The following C4orf50 variants were observed in gnomAD, a reference collection of about 807,000 sequenced individuals.
C4orf50 encodes the protein chromosome 4 open reading frame 50, also known as uncharacterized protein C4orf50.
A neutral mutation model predicts 77.2 loss-of-function variants in C4orf50; 80 were observed. The ratio of observed to expected loss-of-function variants is 1.04; its 90% CI spans 0.87 to 1.25. C4orf50 has a LOEUF of 1.25. Among genes scored for constraint, C4orf50 ranks in the 50% most tolerant of loss-of-function variants. The probability of loss-of-function intolerance (pLI) is 0.00; values close to 1 mark genes in which losing one functional copy is unlikely to be tolerated. For synonymous variants in C4orf50, 532 were observed against 465.3 expected (o/e 1.14, Z -1.84); for missense variants, 1,257 against 1,152.9 (o/e 1.09, Z -1.31).
At chr4:5,993,133 A>G (rs1365581564) in intron 26 of C4orf50, among the ~76,000 whole-genome samples, 2 of 151,896 alleles carry the variant, frequency 1.3e-5, no homozygotes, top group Non-Finnish European at 2.9e-5. Flanking sequence ...AATAGCCAAC[A>G]GCAGGTGGGC....
At chr4:5,993,429 G>A (rs1721404165) in intron 26 of C4orf50, among the ~76,000 whole-genome samples, 1 of 152,218 alleles carries the variant, frequency 6.6e-6, no homozygotes, top group Non-Finnish European at 1.5e-5. Context: ...AGGTTGGAGG[G>A]CTGGAAATAA....
intron 7 of C4orf50, chr4:5,904,152 A>G (rs1364654238): frequency 6.6e-6 from 1 of 152,212 alleles, no homozygotes; most frequent in Non-Finnish European, 1.5e-5. Context: ...TCCCCGCTCA[A>G]CAGCTGGATT....
rs142129092 is a variant in C4orf50, at chr4:6,012,017, G to A, written c.288-49C>T. The A allele has an allele frequency of 1.6e-3, 637 of 398,876 alleles. 4 individuals carry two copies. The highest frequency in any genetic ancestry group is 0.012 in the African/African-American group (588 of 48,720). The allele number at this position is 398,876 out of a possible 1,614,324, so 24.7% of individuals were successfully genotyped here. ...CACTTGCTCAGGGTGCAGTCAACATGGCCTAGGGCTTTTGCAGACACCAGG... is the reference window on the plus strand; with the variant it reads ...CACTTGCTCAGGGTGCAGTCAACATAGCCTAGGGCTTTTGCAGACACCAGG... On this transcript the variant is annotated intron_variant, in intron 23 of 33. Transcript: ENST00000531445.
intron 25 of C4orf50, among the ~76,000 whole-genome samples, chr4:6,003,937 G>A (rs947003152): frequency 0.056 from 108 of 1,916 alleles, 1 homozygote; most frequent in African/African-American, 0.11. Context: ...GGTGATGATG[G>A]TGATGGTGAT....
chr4:5,967,276 G>A, intron 32 of C4orf50, 138 bp downstream of exon 10: 1 of 709,308 alleles, frequency 1.4e-6, no homozygotes. Flanking sequence ...AAAGCGGGAG[G>A]GAGAGGTGGG....
intron 7 of C4orf50, among the ~76,000 whole-genome samples, chr4:5,948,261 C>G (rs556939341): frequency 6.6e-6 from 1 of 152,342 alleles, no homozygotes; most frequent in African/African-American, 2.4e-5. Context: ...TGCTAGGAGT[C>G]TTCCAGCAGG....
chr4:5,964,123 A>G (rs1207966523), intron 33 of C4orf50, among the ~76,000 whole-genome samples: 4 of 152,224 alleles, frequency 2.6e-5, no homozygotes, highest in African/African-American at 4.8e-5. Context: ...AGAAGCCAAG[A>G]AAAGCGAGCA....
intron 7 of C4orf50, among the ~76,000 whole-genome samples, chr4:5,950,907 A>C (rs929513699): frequency 1.3e-5 from 2 of 152,232 alleles, no homozygotes; most frequent in South Asian, 4.1e-4. Flanking sequence ...GGATGAATGA[A>C]TGAATGAATT....
chr4:5,906,950 T>A (rs955959803), intron 7 of C4orf50, among the ~76,000 whole-genome samples: 1 of 152,244 alleles, frequency 6.6e-6, no homozygotes, highest in African/African-American at 2.4e-5. Context: ...AGAATTCTGA[T>A]TCTTAGGCTC....
chr4:5,947,525 G>T (rs1291006817), intron 7 of C4orf50, among the ~76,000 whole-genome samples: 1 of 152,100 alleles, frequency 6.6e-6, no homozygotes, highest in Non-Finnish European at 1.5e-5. Context: ...ATGCAGCCAC[G>T]TGCAGAATGC....
intron 7 of C4orf50, among the ~76,000 whole-genome samples, chr4:5,934,093 A>G (rs1483635482): frequency 3.3e-5 from 5 of 152,072 alleles, no homozygotes; most frequent in African/African-American, 9.7e-5. Flanking sequence ...TCCCACTCCA[A>G]CACAGCCCCT....
At chr4:5,994,705 C>A (rs1352513790) in intron 25 of C4orf50, among the ~76,000 whole-genome samples, 2 of 152,222 alleles carry the variant, frequency 1.3e-5, no homozygotes, top group Admixed American at 6.5e-5. Context: ...CTCCTGTCCA[C>A]AGACAACGAG....
At chr4:5,944,601 C>G (rs914094225) in intron 7 of C4orf50, among the ~76,000 whole-genome samples, 1 of 152,164 alleles carries the variant, frequency 6.6e-6, no homozygotes, top group Non-Finnish European at 1.5e-5. Flanking sequence ...TCTGGAAGCT[C>G]CAGTGGAGGA....
chr4:6,007,128 G>C lies in C4orf50; in HGVS notation c.963+868C>G, dbSNP rs1370562641. 2.0e-5 allele frequency among the ~76,000 whole-genome samples: 3 copies of C among 152,216 alleles called. No homozygotes were observed. Among genetic ancestry groups the C allele is most frequent in the Admixed American group, 1.3e-4 (2 of 15,278 alleles). ...GACAATAAGGGATACAAGGTGGCTG[G>C]TTGGCTGCCTGACCAGTGGCCAGAG... On this transcript the variant is annotated intron_variant, in intron 25 of 33. Coordinates refer to ENST00000531445, the Ensembl canonical transcript of C4orf50. The surrounding 1 kb of genome is among the most constrained non-coding windows in gnomAD (Gnocchi z 4.1).
chr4:5,983,368 C>T (rs1168473176), intron 28 of C4orf50, among the ~76,000 whole-genome samples: 2 of 152,240 alleles, frequency 1.3e-5, no homozygotes, highest in Admixed American at 6.5e-5. Flanking sequence ...CCACACCCTT[C>T]CTTGCCCATT....
rs1292128597 is a variant in C4orf50, at chr4:5,990,187, C to T, written c.1859G>A (p.Trp620Ter). 2 of 1,247,436 alleles carry T rather than the reference C, an allele frequency of 1.6e-6. No homozygotes were observed. Among genetic ancestry groups the T allele is most frequent in the African/African-American group, 3.1e-5 (2 of 64,914 alleles). 77.3% of individuals were successfully genotyped at this position (1,247,436 alleles called of 1,614,324 possible). ...TAGAAGAGGCATCAAAAACTCCTGC[C>T]AGGACCCAGGGCGGCAGGTGGCGGC... is the stretch of plus-strand genomic sequence containing the variant. The change falls in exon 28 of 34, where the codon TGG (tryptophan) becomes TAG (stop). Residue 620 changes from tryptophan (W) to a stop codon, truncating the protein, a stop_gained. Transcript: ENST00000531445. LOFTEE classifies it high-confidence loss of function.
intron 31 of C4orf50, among the ~76,000 whole-genome samples, chr4:5,973,394 G>A (rs924778651): frequency 3.9e-5 from 6 of 152,364 alleles, no homozygotes; most frequent in African/African-American, 2.4e-5. Flanking sequence ...CTTGTATGAC[G>A]CTGAATTACA....
chr4:5,906,028 G>A (rs1321831591), intron 7 of C4orf50, among the ~76,000 whole-genome samples: 1 of 152,154 alleles, frequency 6.6e-6, no homozygotes, highest in African/African-American at 2.4e-5. Flanking sequence ...TAAAGGAGGA[G>A]GGGTAACAGT....
At chr4:6,004,443 A>T (rs1389746245) in intron 25 of C4orf50, among the ~76,000 whole-genome samples, 121 of 29,978 alleles carry the variant, frequency 4.0e-3, no homozygotes, top group African/African-American at 0.015. Flanking sequence ...TGATGATGTG[A>T]TGGTAATGGT....
Sources: gnomAD v4.1 joint callset for allele counts (sites outside exome capture counted in the v4.1 genomes callset) on GRCh38, gnomAD v4.1.1 for gene constraint, Gnocchi (gnomAD v3.1) non-coding constraint, MANE v1.5 for transcripts, NCBI Gene and HGNC (gene_info 2026-07-23, HGNC 2026-07-21) for gene names.